LARP4: variants seen among roughly 807,000 people sequenced by gnomAD.
LARP4 encodes La ribonucleoprotein 4.
A neutral mutation model predicts 92.9 loss-of-function variants in LARP4; 29 were observed. That is an observed-to-expected ratio of 0.31 (90% CI 0.23 to 0.43). The LOEUF (loss-of-function observed/expected upper bound fraction) is 0.43, where lower values mean the gene tolerates loss of function less well. Among genes scored for constraint, LARP4 ranks in the 20% least tolerant of loss-of-function variants. LARP4 has a pLI of 1.00. For synonymous variants in LARP4, 279 were observed against 284.1 expected (o/e 0.98, Z 0.18); for missense variants, 732 against 860.0 (o/e 0.85, Z 1.86).
At chr12:50,406,301 C>G (rs1431273515) in intron 1 of LARP4, among the ~76,000 whole-genome samples, 1 of 150,120 alleles carries the variant, frequency 6.7e-6, no homozygotes, top group African/African-American at 2.5e-5. Flanking sequence ...TAGACACCCC[C>G]CACCCCCACC....
At chr12:50,421,267 A>G in intron 1 of LARP4, 1 of 985,004 alleles carries the variant, frequency 1.0e-6, no homozygotes, top group Non-Finnish European at 1.2e-6. Flanking sequence ...ACGTACTGTA[A>G]TATGCTCTGG....
rs369687583 is a variant in LARP4, at chr12:50,446,409, C to A, written c.804+4766C>A. ...TCTCTCTCTCTCTCTCTCTCTCTCT[C>A]TATATATATATATATATATATTTTT... On this transcript the variant is annotated intron_variant, in intron 8 of 15. Transcript: ENST00000398473. Among the ~76,000 whole-genome samples, 25 of 3,620 alleles carry A rather than the reference C, an allele frequency of 6.9e-3. 5 individuals are homozygous for A. Among genetic ancestry groups the A allele is most frequent in the South Asian group, 0.059 (2 of 34 alleles). 2.4% of individuals were successfully genotyped at this position (3,620 alleles called of 152,430 possible).
At chr12:50,435,757 T>C in intron 5 of LARP4, 133 bp downstream of exon 5, 2 of 663,578 alleles carry the variant, frequency 3.0e-6, no homozygotes, top group Non-Finnish European at 2.5e-6. Flanking sequence ...TTCCGAATTC[T>C]CTCTCTTTGT....
chr12:50,471,190 C>G (rs1423148277), intron 13 of LARP4, among the ~76,000 whole-genome samples: 1 of 152,016 alleles, frequency 6.6e-6, no homozygotes, highest in Non-Finnish European at 1.5e-5. Flanking sequence ...TAAGCCATAC[C>G]AAAACAAGTT....
At chr12:50,417,620 A>G (rs1290875445) in intron 1 of LARP4, among the ~76,000 whole-genome samples, 1 of 152,208 alleles carries the variant, frequency 6.6e-6, no homozygotes, top group Non-Finnish European at 1.5e-5. Flanking sequence ...CTATTATTGT[A>G]AAAGCTTCTA....
chr12:50,404,384 G>A (rs986403314), intron 1 of LARP4, among the ~76,000 whole-genome samples: 1 of 152,084 alleles, frequency 6.6e-6, no homozygotes, highest in African/African-American at 2.4e-5. Flanking sequence ...ATACTTAGAT[G>A]CAACTTTTTA....
At chr12:50,434,451 C>T (rs1253700815) in intron 4 of LARP4, among the ~76,000 whole-genome samples, 1 of 148,792 alleles carries the variant, frequency 6.7e-6, no homozygotes, top group East Asian at 2.0e-4. Flanking sequence ...GGAGTTTCGC[C>T]CTTGTTGCCC....
chr12:50,427,932 T>TA (rs747638885), intron 2 of LARP4, 23 bp downstream of exon 2: 2 of 1,501,628 alleles, frequency 1.3e-6, no homozygotes, highest in Admixed American at 3.7e-5. Context: ...TATTTGGTCA[T>TA]AAAAATCACA....
At chr12:50,462,003 G>A (rs1955466846) in intron 11 of LARP4, among the ~76,000 whole-genome samples, 1 of 151,984 alleles carries the variant, frequency 6.6e-6, no homozygotes, top group African/African-American at 2.4e-5. Context: ...TTGCCAACTT[G>A]CCTAATTAAA....
chr12:50,458,510 G>A (rs1044937170), intron 10 of LARP4, among the ~76,000 whole-genome samples: 8 of 152,086 alleles, frequency 5.3e-5, no homozygotes, highest in South Asian at 2.1e-4. Flanking sequence ...GGGAATTTAC[G>A]TTTAATTGGT....
rs574428596 is a variant in LARP4, at chr12:50,465,069, T to G, written c.1384-1890T>G. Among the ~76,000 whole-genome samples, 176 of 152,138 alleles carry G rather than the reference T, an allele frequency of 1.2e-3. 1 individual carries two copies. The highest frequency in any genetic ancestry group is 4.1e-3 in the African/African-American group (170 of 41,530). Reference sequence around the variant, plus strand: ...CCCTCAACAATTTGGAATAAGAGATTAGGCCCTGCATGGTGGCTCAGGCCA... The same window carrying G: ...CCCTCAACAATTTGGAATAAGAGATGAGGCCCTGCATGGTGGCTCAGGCCA... On this transcript the variant is annotated intron_variant, in intron 12 of 15. Coordinates refer to ENST00000398473, the MANE Select transcript of LARP4 (RefSeq NM_052879.5).
intron 11 of LARP4, chr12:50,461,599 A>G (rs982160325): frequency 1.0e-5 from 4 of 392,624 alleles, no homozygotes; most frequent in Non-Finnish European, 1.8e-5. Flanking sequence ...CTCATATAAG[A>G]AAGAATAGCT....
intron 7 of LARP4, 124 bp from the exon 8 acceptor site, chr12:50,441,466 G>A: frequency 1.6e-6 from 1 of 617,802 alleles, no homozygotes; most frequent in Non-Finnish European, 2.8e-6. Context: ...CTGTCCACCT[G>A]CACAGTGGAA....
chr12:50,469,135 C>A (rs1956570915), intron 13 of LARP4, among the ~76,000 whole-genome samples: 2 of 151,756 alleles, frequency 1.3e-5, no homozygotes, highest in African/African-American at 4.8e-5. Context: ...TAGTTTATTT[C>A]TGTATTGGAT....
intron 11 of LARP4, among the ~76,000 whole-genome samples, chr12:50,461,970 A>G (rs976201615): frequency 1.3e-5 from 2 of 152,028 alleles, no homozygotes; most frequent in African/African-American, 4.8e-5. Context: ...AATATAAATA[A>G]ACTATAGGGG....
intron 1 of LARP4, among the ~76,000 whole-genome samples, chr12:50,408,037 G>A (rs1019332738): frequency 1.3e-5 from 2 of 151,812 alleles, no homozygotes; most frequent in African/African-American, 4.8e-5. Flanking sequence ...TTTAAATGAC[G>A]GGCTCTAAAC....
chr12:50,427,105 C>T (rs562821740), intron 1 of LARP4, among the ~76,000 whole-genome samples: 1 of 152,160 alleles, frequency 6.6e-6, no homozygotes, highest in East Asian at 1.9e-4. Context: ...CATACACTTG[C>T]AGGACAGATG....
chr12:50,468,835 G>C (rs1956524328), intron 13 of LARP4, among the ~76,000 whole-genome samples: 1 of 151,836 alleles, frequency 6.6e-6, no homozygotes, highest in African/African-American at 2.4e-5. Context: ...ACCATCCTTT[G>C]TAAGCCACAT....
chr12:50,406,559 G>A (rs748167399), intron 1 of LARP4, among the ~76,000 whole-genome samples: 1 of 152,010 alleles, frequency 6.6e-6, no homozygotes, highest in Non-Finnish European at 1.5e-5. Flanking sequence ...GGAGTACAGT[G>A]GCTATTCACA....
Sources: allele counts gnomAD v4.1 joint callset (sites outside exome capture counted in the v4.1 genomes callset), GRCh38; gene constraint gnomAD v4.1.1; transcripts MANE v1.5; gene names NCBI Gene and HGNC (gene_info 2026-07-23, HGNC 2026-07-21).